The following POLR3B variants were observed in gnomAD, a reference collection of about 807,000 sequenced individuals.
The protein encoded by POLR3B is DNA-directed RNA polymerase III subunit RPC2.
In POLR3B, 96 loss-of-function variants were observed where a neutral mutation model predicts 147.4. The ratio of observed to expected loss-of-function variants is 0.65; its 90% CI spans 0.55 to 0.77. The LOEUF (loss-of-function observed/expected upper bound fraction) is 0.77, where lower values mean the gene tolerates loss of function less well. Ranked by LOEUF, POLR3B falls within the 30% of genes least tolerant of loss-of-function variation. The pLI is 0.00. For synonymous variants in POLR3B, 461 were observed against 485.9 expected, an observed-to-expected ratio of 0.95 and a Z score of 0.67; for missense variants, 1,036 against 1,413.5, an observed-to-expected ratio of 0.73 and a Z score of 4.28.
intron 12 of POLR3B, among the ~76,000 whole-genome samples, chr12:106,416,164 G>T (rs2136942706): frequency 6.6e-6 from 1 of 152,274 alleles, no homozygotes; most frequent in South Asian, 2.1e-4. Context: ...AAGCAGTTAT[G>T]TCCGAGAATG....
intron 11 of POLR3B, chr12:106,410,567 G>A (rs2037211753): frequency 4.2e-6 from 2 of 478,042 alleles, no homozygotes; most frequent in African/African-American, 2.0e-5. Flanking sequence ...TGAAGGAATG[G>A]CATGAAGTTT....
At chr12:106,374,213 CTTGTT>C (rs1435752754) in intron 6 of POLR3B, among the ~76,000 whole-genome samples, 1 of 152,002 alleles carries the variant, frequency 6.6e-6, no homozygotes, top group African/African-American at 2.4e-5. Context: ...TTTGTTCTAT[CTTGTT>C]TTGTTTTGGT....
At chr12:106,381,550 T>C (rs536794105) in intron 9 of POLR3B, among the ~76,000 whole-genome samples, 1 of 152,324 alleles carries the variant, frequency 6.6e-6, no homozygotes, top group Non-Finnish European at 1.5e-5. Flanking sequence ...ATTACACCAA[T>C]TCAGTCACAT....
chr12:106,402,221 G>A lies in POLR3B; in HGVS notation c.847-3636G>A, dbSNP rs1406965297. ...AACTCCCATTCACAATTGCTTCAAA[G>A]AGAATAAAATACCTAGGAATCCAAC... On this transcript the variant is annotated intron_variant, in intron 10 of 27. Coordinates refer to ENST00000228347, the MANE Select transcript of POLR3B (RefSeq NM_018082.6). 2.0e-5 allele frequency among the ~76,000 whole-genome samples: 3 copies of A among 152,018 alleles called. No individual in the cohort carries two copies. In the East Asian group the frequency reaches 5.8e-4, roughly 29 times the overall value.
chr12:106,404,877 A>G (rs1329107531), intron 10 of POLR3B, among the ~76,000 whole-genome samples: 1 of 152,174 alleles, frequency 6.6e-6, no homozygotes, highest in Non-Finnish European at 1.5e-5. Flanking sequence ...TTTTATGGTT[A>G]GGTCTAAAAT....
chr12:106,401,248 C>T lies in POLR3B; in HGVS notation c.847-4609C>T, dbSNP rs1165679190. Among the ~76,000 whole-genome samples, 4 of 152,338 alleles carry T rather than the reference C, an allele frequency of 2.6e-5. No homozygotes were observed. In the East Asian group the frequency reaches 7.7e-4, roughly 29 times the overall value. ...GAAGAAATGGATAAACTCCTCGATA[C>T]ATACATCCTCCCAAGACTAAACCAG... On this transcript the variant is annotated intron_variant, in intron 10 of 27. Coordinates refer to ENST00000228347, the MANE Select transcript of POLR3B (RefSeq NM_018082.6).
intron 20 of POLR3B, among the ~76,000 whole-genome samples, chr12:106,455,520 T>A (rs2037853590): frequency 6.6e-6 from 1 of 152,244 alleles, no homozygotes; most frequent in Non-Finnish European, 1.5e-5. Context: ...AACGTTTATG[T>A]GGAAATCTGA....
At chr12:106,359,331 A>AT (rs35229993) in intron 1 of POLR3B, among the ~76,000 whole-genome samples, 69,524 of 134,790 alleles carry the variant, frequency 0.52, 18,172 homozygotes, top group East Asian at 0.68. Context: ...AGGCAAAACT[A>AT]TTTTTTTTTT....
At chr12:106,502,077 G>A (rs2038611502) in intron 26 of POLR3B, among the ~76,000 whole-genome samples, 1 of 152,148 alleles carries the variant, frequency 6.6e-6, no homozygotes, top group African/African-American at 2.4e-5. Flanking sequence ...CATAGTCGAG[G>A]GCAGTGGTTC....
intron 12 of POLR3B, among the ~76,000 whole-genome samples, chr12:106,412,732 G>A (rs1392438222): frequency 6.6e-6 from 1 of 152,102 alleles, no homozygotes; most frequent in Non-Finnish European, 1.5e-5. Context: ...CATTTTATTG[G>A]CCATTTGCAG....
At chr12:106,365,845 C>T (rs956064049) in intron 2 of POLR3B, among the ~76,000 whole-genome samples, 5 of 147,862 alleles carry the variant, frequency 3.4e-5, no homozygotes, top group Non-Finnish European at 7.4e-5. Context: ...GGCAATAGAG[C>T]GAGACTCTGT....
Position 106,357,915 on chromosome 12 carries a change from T to C in POLR3B, c.36T>C (p.Thr12=), listed in dbSNP as rs754030235. 7.4e-6 allele frequency: 12 copies of C among 1,613,430 alleles called. No homozygotes were observed. In the East Asian group the frequency reaches 1.1e-4, roughly 15 times the overall value. The change falls in exon 1 of 28, where the codon ACT becomes ACC. Residue 12 remains threonine, a synonymous_variant. Coordinates refer to ENST00000228347, the MANE Select transcript of POLR3B (RefSeq NM_018082.6). ...TAGCGGAGGAGTTTGGGAACCTGAC[T>C]CCGGAGCAGCTGGCGGCGCCGATCC... is the stretch of plus-strand genomic sequence containing the variant. ...DVLAEEFGNL[T]PEQLAAPIPT...
Position 106,444,341 on chromosome 12 carries a change from A to C in POLR3B, c.1956-122A>C. 5.5e-6 allele frequency: 5 copies of C among 905,990 alleles called. No homozygotes were observed. The South Asian group carries it at 7.0e-5, about 13-fold the overall frequency. The allele number at this position is 905,990 out of a possible 1,614,324, so 56.1% of individuals were successfully genotyped here. ...TTTTTATTTTACCAGTTTTACTAGCATCAAATTTTATTGACATATAAATCC... is the reference window on the plus strand; with the variant it reads ...TTTTTATTTTACCAGTTTTACTAGCCTCAAATTTTATTGACATATAAATCC... On this transcript the variant is annotated intron_variant, in intron 18 of 27. Coordinates refer to ENST00000228347, the MANE Select transcript of POLR3B (RefSeq NM_018082.6).
chr12:106,392,816 T>G (rs1948110058), intron 9 of POLR3B, among the ~76,000 whole-genome samples: 1 of 152,254 alleles, frequency 6.6e-6, no homozygotes, highest in Admixed American at 6.5e-5. Flanking sequence ...AAAAAATGTT[T>G]GAGAATGTTT....
At chr12:106,360,984 C>T (rs763268151) in intron 1 of POLR3B, among the ~76,000 whole-genome samples, 61 of 152,180 alleles carry the variant, frequency 4.0e-4, no homozygotes, top group Non-Finnish European at 7.2e-4. Context: ...TGTGGTGGTG[C>T]GGAAGCATTC....
At chr12:106,477,821 C>T (rs61941944) in intron 23 of POLR3B, among the ~76,000 whole-genome samples, 37,643 of 148,144 alleles carry the variant, frequency 0.25, 5,338 homozygotes, top group African/African-American at 0.38. Flanking sequence ...AATCACCCGT[C>T]TTCTGCGTCG....
chr12:106,417,647 A>G, intron 12 of POLR3B, among the ~76,000 whole-genome samples: 1 of 152,144 alleles, frequency 6.6e-6, no homozygotes, highest in East Asian at 1.9e-4. Flanking sequence ...TTTAGGTTCT[A>G]GAAAAAAAAA....
Position 106,430,454 on chromosome 12 carries a change from C to G in POLR3B, c.1445C>G (p.Ser482Trp). ...TCTCAGTGGGGAATGCTGTGTCCTT[C>G]GGACACTCCTGAAGGAGAGGTAAGG... ...QPSQWGMLCP[S>W]DTPEGEACGL... Residue 482 changes from serine (S) to tryptophan (W), a missense_variant, in exon 14 of 28, where the codon TCG becomes TGG. By Grantham distance (177) the Ser-to-Trp change is radical (BLOSUM62 -3). Transcript: ENST00000228347. 6.2e-7 allele frequency: 1 copy of G among 1,612,528 alleles called. No individual in the cohort carries two copies. Among genetic ancestry groups the G allele is most frequent in the Non-Finnish European group, 8.5e-7 (1 of 1,179,414 alleles).
intron 22 of POLR3B, among the ~76,000 whole-genome samples, chr12:106,463,180 A>G (rs952159475): frequency 2.6e-5 from 4 of 152,190 alleles, no homozygotes; most frequent in African/African-American, 9.6e-5. Context: ...GTGCCCTTGG[A>G]CAAGTTACTT....
Sources: gnomAD v4.1 joint callset for allele counts (sites outside exome capture counted in the v4.1 genomes callset) on GRCh38, gnomAD v4.1.1 for gene constraint, MANE v1.5 for transcripts, NCBI Gene and HGNC (gene_info 2026-07-23, HGNC 2026-07-21) for gene names.